Variants in ST6GALNAC3 observed in about 807,000 individuals in gnomAD.
ST6GALNAC3 encodes the protein ST6 N-acetylgalactosaminide alpha-2,6-sialyltransferase 3.
Under a neutral mutation model 32.7 loss-of-function variants are expected in ST6GALNAC3, and 25 were observed. The observed-to-expected ratio is 0.76, with a 90% CI of 0.56 to 1.07. The LOEUF (loss-of-function observed/expected upper bound fraction) is 1.07. Ranked by LOEUF, ST6GALNAC3 falls within the 50% of genes least tolerant of loss-of-function variation. The pLI, the probability that ST6GALNAC3 is intolerant of heterozygous loss-of-function variation, is 0.00. For missense variants in ST6GALNAC3, 355 were observed against 382.4 expected (o/e 0.93, Z 0.60); for synonymous variants, 129 against 133.1 (o/e 0.97, Z 0.21).
At chr1:76,521,850 C>T (rs924858506) in intron 3 of ST6GALNAC3, among the ~76,000 whole-genome samples, 3 of 152,110 alleles carry the variant, frequency 2.0e-5, no homozygotes, top group Admixed American at 6.6e-5. Flanking sequence ...AGGTGGATTG[C>T]CTGAGCTCAG....
At chr1:76,234,864 A>T (rs2706202) in intron 1 of ST6GALNAC3, among the ~76,000 whole-genome samples, 6,126 of 152,302 alleles carry the variant, frequency 0.04, 348 homozygotes, top group African/African-American at 0.12. Context: ...ATAGCAAATC[A>T]ATCAAATTTA....
At chr1:76,203,314 A>G (rs562650816) in intron 1 of ST6GALNAC3, among the ~76,000 whole-genome samples, 1 of 152,344 alleles carries the variant, frequency 6.6e-6, no homozygotes, top group South Asian at 2.1e-4. Context: ...TTCCAAGTGC[A>G]GCCATGTGTG....
intron 2 of ST6GALNAC3, among the ~76,000 whole-genome samples, chr1:76,323,357 A>G (rs1392161252): frequency 6.6e-6 from 1 of 152,094 alleles, no homozygotes; most frequent in East Asian, 1.9e-4. Context: ...TTTATGTGCC[A>G]TTTTCTTTTA....
intron 3 of ST6GALNAC3, among the ~76,000 whole-genome samples, chr1:76,517,836 G>A (rs1662265637): frequency 6.6e-6 from 1 of 151,904 alleles, no homozygotes; most frequent in Admixed American, 6.6e-5. Context: ...CAATTGGAGA[G>A]TTTTCTTGTC....
At chr1:76,125,938 A>G (rs993250855) in intron 1 of ST6GALNAC3, among the ~76,000 whole-genome samples, 1 of 152,192 alleles carries the variant, frequency 6.6e-6, no homozygotes, top group Non-Finnish European at 1.5e-5. Context: ...GATGGAGCCA[A>G]TTGAGCGGGC....
intron 1 of ST6GALNAC3, among the ~76,000 whole-genome samples, chr1:76,293,855 T>C (rs1248222925): frequency 6.6e-6 from 1 of 152,070 alleles, no homozygotes; most frequent in Non-Finnish European, 1.5e-5. Context: ...TAAGTAGAAG[T>C]GTGTGTGTAT....
At chr1:76,485,122 G>C (rs1660021506) in intron 3 of ST6GALNAC3, among the ~76,000 whole-genome samples, 1 of 152,164 alleles carries the variant, frequency 6.6e-6, no homozygotes, top group Admixed American at 6.6e-5. Flanking sequence ...GATTCGGTTT[G>C]CCAGTATTTT....
At chr1:76,623,617 T>C (rs550285830) in intron 3 of ST6GALNAC3, among the ~76,000 whole-genome samples, 173 of 152,048 alleles carry the variant, frequency 1.1e-3, no homozygotes, top group Middle Eastern at 3.4e-3. Flanking sequence ...AGGATATCCT[T>C]TAAGAATTTT....
chr1:76,265,829 T>A (rs1479269929), intron 1 of ST6GALNAC3, among the ~76,000 whole-genome samples: 1 of 152,218 alleles, frequency 6.6e-6, no homozygotes, highest in African/African-American at 2.4e-5. Context: ...CAAATAGTTG[T>A]GTGCATAGGT....
At chr1:76,082,803 A>T (rs192047756) in intron 1 of ST6GALNAC3, among the ~76,000 whole-genome samples, 4 of 151,962 alleles carry the variant, frequency 2.6e-5, no homozygotes, top group South Asian at 4.2e-4. Flanking sequence ...TGAGAGAGTG[A>T]GGGAGAATTT....
At chr1:76,565,082 C>G (rs149044242) in intron 3 of ST6GALNAC3, among the ~76,000 whole-genome samples, 1 of 152,224 alleles carries the variant, frequency 6.6e-6, no homozygotes, top group African/African-American at 2.4e-5. Context: ...GAGGATGTCT[C>G]TCAGTCCGGT....
intron 1 of ST6GALNAC3, among the ~76,000 whole-genome samples, chr1:76,125,571 G>A (rs537191524): frequency 6.6e-6 from 1 of 152,264 alleles, no homozygotes; most frequent in African/African-American, 2.4e-5. Flanking sequence ...GGTCCATCTG[G>A]AAAGAACCAC....
At chr1:76,308,453 A>C (rs745596033) in intron 1 of ST6GALNAC3, among the ~76,000 whole-genome samples, 6 of 152,166 alleles carry the variant, frequency 3.9e-5, no homozygotes, top group Non-Finnish European at 8.8e-5. Context: ...CATACATTAT[A>C]AACTGACATG....
intron 4 of ST6GALNAC3, 84 bp from the exon 5 acceptor site, chr1:76,628,536 C>A: frequency 8.0e-7 from 1 of 1,256,768 alleles, no homozygotes; most frequent in Non-Finnish European, 1.1e-6. Context: ...AATGCATTTA[C>A]TGGGCACATA....
chr1:76,376,943 A>G (rs1651284381), intron 2 of ST6GALNAC3, among the ~76,000 whole-genome samples: 1 of 152,154 alleles, frequency 6.6e-6, no homozygotes, highest in South Asian at 2.1e-4. Flanking sequence ...ATTATAATAT[A>G]CATATATAAA....
chr1:76,412,249 A>G lies in ST6GALNAC3; in HGVS notation c.455A>G (p.Tyr152Cys). The change falls in exon 3 of 5, where the codon TAT becomes TGT. Residue 152 changes from tyrosine (Y) to cysteine (C), a missense_variant. Coordinates refer to ENST00000328299, the MANE Select transcript of ST6GALNAC3 (RefSeq NM_152996.4). The stretch of plus-strand genomic sequence containing the variant: ...TTCAAGGAAGCGAATACTACTATTT[A>G]TGTTATTTGGGGACCTTTCCGCAAT... The part of the protein sequence containing the change: ...YFFKEANTTI[Y>C]VIWGPFRNMR... The G allele has an allele frequency of 4.3e-6, 7 of 1,613,780 alleles. No individual in the cohort carries two copies. The highest frequency in any genetic ancestry group is 2.2e-5 in the East Asian group (1 of 44,856).
intron 3 of ST6GALNAC3, among the ~76,000 whole-genome samples, chr1:76,517,226 T>C (rs1299617535): frequency 6.6e-6 from 1 of 151,866 alleles, no homozygotes; most frequent in African/African-American, 2.4e-5. Flanking sequence ...ACACAATATA[T>C]TGTTTTATAT....
intron 3 of ST6GALNAC3, among the ~76,000 whole-genome samples, chr1:76,611,597 C>T (rs1647936710): frequency 6.6e-6 from 1 of 152,148 alleles, no homozygotes; most frequent in African/African-American, 2.4e-5. Flanking sequence ...TTGGGAAAAA[C>T]TTATAGTCCA....
intron 3 of ST6GALNAC3, among the ~76,000 whole-genome samples, chr1:76,575,171 G>A (rs1274765401): frequency 6.6e-6 from 1 of 152,068 alleles, no homozygotes; most frequent in Non-Finnish European, 1.5e-5. Context: ...AGAGGAAATG[G>A]AAATCCATTT....
Sources: allele counts gnomAD v4.1 joint callset (sites outside exome capture counted in the v4.1 genomes callset), GRCh38; gene constraint gnomAD v4.1.1; transcripts MANE v1.5; gene names NCBI Gene and HGNC (gene_info 2026-07-23, HGNC 2026-07-21).